Variants in DDRGK1 observed in about 807,000 individuals in gnomAD.
The protein encoded by DDRGK1 is DDRGK domain containing 1.
A neutral mutation model predicts 45.8 loss-of-function variants in DDRGK1; 38 were observed. The observed-to-expected ratio is 0.83, with a 90% CI of 0.64 to 1.09. The LOEUF is 1.09. Ranked by LOEUF, DDRGK1 falls within the 50% of genes least tolerant of loss-of-function variation. The probability of loss-of-function intolerance (pLI) is 0.00; values close to 1 mark genes in which losing one functional copy is unlikely to be tolerated. For missense variants in DDRGK1, 403 were observed against 419.9 expected, an observed-to-expected ratio of 0.96 and a Z score of 0.35; for synonymous variants, 171 against 168.7, an observed-to-expected ratio of 1.01 and a Z score of -0.11.
intron 8 of DDRGK1, 138 bp downstream of exon 8, chr20:3,191,052 A>T: frequency 8.1e-7 from 1 of 1,239,244 alleles, no homozygotes; most frequent in African/African-American, 1.5e-5. Flanking sequence ...AACTGCATCC[A>T]GCTACTCAGT....
rs780030928 is a variant in DDRGK1 at position 3,190,721 on chromosome 20, C to G, written c.877G>C (p.Glu293Gln). ...IRQRGRVSIA[E>Q]LAQASNSLIA... Reference sequence around the variant, plus strand: ...AGGGAGTTGCTGGCTTGGGCAAGCTCGGCGATGGACACCCGGCCCCGCTGT... The same window carrying G: ...AGGGAGTTGCTGGCTTGGGCAAGCTGGGCGATGGACACCCGGCCCCGCTGT... The change falls in exon 9 of 9, where the codon GAG becomes CAG. Residue 293 changes from glutamate to glutamine, a missense_variant. By Grantham distance (29) the Glu-to-Gln change is conservative (BLOSUM62 2). Transcript: ENST00000354488. The G allele has an allele frequency of 2.5e-6, 4 of 1,614,068 alleles. No individual in the cohort carries two copies. Among genetic ancestry groups the G allele is most frequent in the Non-Finnish European group, 3.4e-6 (4 of 1,179,990 alleles).
intron 2 of DDRGK1, among the ~76,000 whole-genome samples, chr20:3,201,719 G>A (rs1359163422): frequency 1.3e-5 from 2 of 150,638 alleles, no homozygotes; most frequent in East Asian, 2.0e-4. Context: ...GTGCAGTGGC[G>A]CGATCTCGGC....
At chr20:3,200,528 G>T in intron 2 of DDRGK1, 74 bp from the exon 3 acceptor site, 1 of 1,357,298 alleles carries the variant, frequency 7.4e-7, no homozygotes, top group Non-Finnish European at 1.0e-6. Flanking sequence ...CCAACCCCTC[G>T]TCCCTCCCCT....
intron 3 of DDRGK1, 83 bp downstream of exon 3, chr20:3,200,259 C>T (rs985975066): frequency 6.8e-7 from 1 of 1,474,192 alleles, no homozygotes; most frequent in Non-Finnish European, 9.2e-7. Context: ...CAGCAGGCAA[C>T]AAGCCCTCAG....
chr20:3,202,529 G>A (rs2067044586), intron 2 of DDRGK1, among the ~76,000 whole-genome samples: 1 of 152,138 alleles, frequency 6.6e-6, no homozygotes, highest in Non-Finnish European at 1.5e-5. Flanking sequence ...GACTACCTCA[G>A]GGCCAGCTGC....
chr20:3,191,666 T>C (rs755347035), intron 7 of DDRGK1, 99 bp downstream of exon 7: 13 of 1,347,018 alleles, frequency 9.7e-6, no homozygotes, highest in South Asian at 8.7e-5. Flanking sequence ...GGGGACAAGG[T>C]AGACGGTGCA....
chr20:3,198,502 A>C (rs922833473), intron 4 of DDRGK1, among the ~76,000 whole-genome samples: 7 of 150,752 alleles, frequency 4.6e-5, no homozygotes, highest in African/African-American at 1.7e-4. Context: ...GGAGTTCGAG[A>C]CCAGCCTGAC....
chr20:3,198,402 CA>C lies in DDRGK1; in HGVS notation c.510+1598del, dbSNP rs34379071. Among the ~76,000 whole-genome samples the C allele has an allele frequency of 7.2e-3, 542 of 75,288 alleles. 1 individual carries two copies. The highest frequency in any genetic ancestry group is 0.023 in the African/African-American group (443 of 19,180). 49.4% of individuals were successfully genotyped at this position (75,288 alleles called of 152,430 possible). A position where few individuals can be genotyped will look rare whatever the true frequency, so the allele number is the denominator to read the frequency against. ...CTGGAGACAGAGAGGGACTCTGTCT[CA>C]AAAAAAAAAAAAAAAAGCCTGGTGC... On this transcript the variant is annotated intron_variant, in intron 4 of 8. Coordinates refer to ENST00000354488, the MANE Select transcript of DDRGK1 (RefSeq NM_023935.3).
chr20:3,194,969 C>A, intron 5 of DDRGK1, 101 bp from the exon 6 acceptor site: 1 of 1,499,344 alleles, frequency 6.7e-7, no homozygotes. Context: ...GGCCACCTGC[C>A]TGCAGCCTGC....
chr20:3,194,796 G>A, intron 6 of DDRGK1, 34 bp downstream of exon 6: 3 of 1,613,850 alleles, frequency 1.9e-6, no homozygotes, highest in Non-Finnish European at 2.5e-6. Context: ...CAGGCAGGGA[G>A]CTGACACTCA....
rs1168760358 is a variant in DDRGK1 at position 3,190,381 on chromosome 20, A to G, written c.*272T>C. 2.3e-6 allele frequency: 1 copy of G among 437,178 alleles called. No individual in the cohort carries two copies. Among genetic ancestry groups the G allele is most frequent in the Non-Finnish European group, 4.1e-6 (1 of 246,672 alleles). The allele number at this position is 437,178 out of a possible 1,614,324, so 27.1% of individuals were successfully genotyped here. On this transcript the variant is annotated 3_prime_UTR_variant, in exon 9 of 9. Coordinates refer to ENST00000354488, the MANE Select transcript of DDRGK1 (RefSeq NM_023935.3). ...TGCAACAGGCTATTTTCTTGAATGA[A>G]TGGATTCATAATAAGAACAGGACTT...
In DDRGK1 at chr20:3,191,248, G is replaced by A. The variant is rs761289201; in HGVS notation, c.730-10C>T. 20 of 1,614,020 alleles carry A rather than the reference G, an allele frequency of 1.2e-5. No homozygotes were observed. The highest frequency in any genetic ancestry group is 1.6e-4 in the Middle Eastern group (1 of 6,084). On this transcript the variant is annotated splice_polypyrimidine_tract_variant and intron_variant, in intron 7 of 8. Coordinates refer to ENST00000354488, the MANE Select transcript of DDRGK1 (RefSeq NM_023935.3). ...TGCGATTTATGGTGTCCTATGAGGA[G>A]AACAACTCTCAGAATAGAGATAGGC...
intron 4 of DDRGK1, among the ~76,000 whole-genome samples, chr20:3,196,574 G>A (rs1005824037): frequency 1.3e-5 from 2 of 151,758 alleles, no homozygotes; most frequent in African/African-American, 4.8e-5. Context: ...CCAGCTACTC[G>A]GGAGGCTGAG....
At position 3,191,745 on chromosome 20, in the gene DDRGK1, G is replaced by A; in HGVS notation, c.729+20C>T. The A allele has an allele frequency of 6.3e-7, 1 of 1,594,534 alleles. No homozygotes were observed. The highest frequency in any genetic ancestry group is 8.5e-7 in the Non-Finnish European group (1 of 1,169,708). On this transcript the variant is annotated intron_variant, in intron 7 of 8. Transcript: ENST00000354488. Reference sequence around the variant, plus strand: ...ACCCCTGGCCACACTGCACACAGCAGGCCACGTTCCAGGGCTTACCTGAGT... The same window carrying A: ...ACCCCTGGCCACACTGCACACAGCAAGCCACGTTCCAGGGCTTACCTGAGT...
chr20:3,191,952 T>A, intron 6 of DDRGK1, 131 bp from the exon 7 acceptor site: 1 of 752,212 alleles, frequency 1.3e-6, no homozygotes, highest in Non-Finnish European at 2.1e-6. Flanking sequence ...CACACTCCTG[T>A]AGGACAGCCT....
At chr20:3,191,388 T>G (rs1407429806) in intron 7 of DDRGK1, 150 bp from the exon 8 acceptor site, 4 of 858,594 alleles carry the variant, frequency 4.7e-6, no homozygotes, top group Non-Finnish European at 7.5e-6. Context: ...GGAAGGGCCC[T>G]GGGTAGAAGG....
chr20:3,198,402 C>CAAA (rs34379071), intron 4 of DDRGK1, among the ~76,000 whole-genome samples: 28 of 75,256 alleles, frequency 3.7e-4, no homozygotes, highest in African/African-American at 6.8e-4. Flanking sequence ...GACTCTGTCT[C>CAAA]AAAAAAAAAA....
At chr20:3,199,099 G>A (rs1411390599) in intron 4 of DDRGK1, among the ~76,000 whole-genome samples, 4 of 152,066 alleles carry the variant, frequency 2.6e-5, no homozygotes, top group Non-Finnish European at 5.9e-5. Context: ...AGGTTGCAGT[G>A]AGCCAAGATC....
At chr20:3,200,276 T>G in intron 3 of DDRGK1, 66 bp downstream of exon 3, 1 of 1,517,476 alleles carries the variant, frequency 6.6e-7, no homozygotes, top group Admixed American at 2.0e-5. Context: ...TCAGTCTGCC[T>G]TAGGGAAAAA....
Sources: allele counts gnomAD v4.1 joint callset (sites outside exome capture counted in the v4.1 genomes callset), GRCh38; gene constraint gnomAD v4.1.1; transcripts MANE v1.5; gene names NCBI Gene and HGNC (gene_info 2026-07-23, HGNC 2026-07-21).